Variants in KDM5A observed in about 807,000 individuals in gnomAD.
KDM5A encodes the protein lysine-specific demethylase 5A.
KDM5A carries 42 observed loss-of-function variants against 193.5 expected under a neutral mutation model. The ratio of observed to expected loss-of-function variants is 0.22; its 90% CI spans 0.17 to 0.28. KDM5A has a LOEUF of 0.28. KDM5A is among the 10% of genes least tolerant of loss of function. The pLI is 1.00. For missense variants in KDM5A, 1,692 were observed against 2,055.1 expected, an observed-to-expected ratio of 0.82 and a Z score of 3.42; for synonymous variants, 796 against 718.1, an observed-to-expected ratio of 1.11 and a Z score of -1.73.
At chr12:350,579 A>C (rs1245233496) in intron 10 of KDM5A, 42 bp downstream of exon 10, 1 of 1,606,424 alleles carries the variant, frequency 6.2e-7, no homozygotes, top group Non-Finnish European at 8.5e-7. Context: ...TGCAAAAGCT[A>C]AATCAGCTTG....
intron 26 of KDM5A, 52 bp from the exon 27 acceptor site, chr12:293,221 A>T: frequency 6.7e-7 from 1 of 1,481,946 alleles, no homozygotes; most frequent in Non-Finnish European, 9.3e-7. Flanking sequence ...GTTAAAAAAC[A>T]GTATTACTCT....
chr12:320,851 T>G (rs1435968594), intron 18 of KDM5A, 144 bp downstream of exon 18: 4 of 668,442 alleles, frequency 6.0e-6, no homozygotes, highest in Admixed American at 5.1e-5. Context: ...AACTGCCTAC[T>G]AAAGAACCTC....
chr12:380,812 TC>T (rs1944563962), intron 3 of KDM5A, among the ~76,000 whole-genome samples: 1 of 152,142 alleles, frequency 6.6e-6, no homozygotes, highest in South Asian at 2.1e-4. Context: ...AATTTTTTTT[TC>T]AGACACAGTT....
intron 20 of KDM5A, 34 bp downstream of exon 20, chr12:313,022 C>T (rs778975277): frequency 2.5e-6 from 4 of 1,607,440 alleles, no homozygotes; most frequent in African/African-American, 2.7e-5. Flanking sequence ...ACAGGCATTA[C>T]CTGATAGGTG....
chr12:332,067 A>T (rs1943872910), intron 12 of KDM5A, 129 bp from the exon 13 acceptor site: 1 of 816,660 alleles, frequency 1.2e-6, no homozygotes, highest in African/African-American at 1.7e-5. Context: ...TAAGTTACAC[A>T]TATCAGAAAA....
intron 1 of KDM5A, chr12:388,680 T>C: frequency 1.7e-6 from 1 of 583,670 alleles, no homozygotes; most frequent in Non-Finnish European, 3.0e-6. Flanking sequence ...GGCCCACGGC[T>C]GAGAGAAAAG....
chr12:283,444 G>T lies in KDM5A; in HGVS notation c.*2012C>A, dbSNP rs1291533493. On this transcript the variant is annotated 3_prime_UTR_variant, in exon 28 of 28. Coordinates refer to ENST00000399788, the MANE Select transcript of KDM5A (RefSeq NM_001042603.3). The stretch of plus-strand genomic sequence containing the variant: ...GCAACACTAACAAACCTCTGAACAA[G>T]TCAAAACACTCAAAATGTTATACAG... The T allele has an allele frequency of 1.3e-5, 3 of 232,704 alleles. No homozygotes were observed. Among genetic ancestry groups the T allele is most frequent in the Non-Finnish European group, 2.6e-5 (3 of 117,556 alleles). 14.4% of individuals were successfully genotyped at this position (232,704 alleles called of 1,614,324 possible). A position where few individuals can be genotyped will look rare whatever the true frequency, so the allele number is the denominator to read the frequency against.
intron 27 of KDM5A, among the ~76,000 whole-genome samples, chr12:288,287 A>G (rs977713234): frequency 7.9e-5 from 12 of 152,224 alleles, no homozygotes; most frequent in Admixed American, 7.9e-4. Context: ...ATAACTGTAT[A>G]AATTGTCATT....
intron 3 of KDM5A, among the ~76,000 whole-genome samples, chr12:380,702 A>T (rs1185893259): frequency 6.6e-6 from 1 of 152,156 alleles, no homozygotes; most frequent in Non-Finnish European, 1.5e-5. Context: ...CAGTCTGGGC[A>T]AAAGAGTGAG....
chr12:322,582 A>C lies in KDM5A; in HGVS notation c.2276-15T>G. ...TTCAATCAAATCTGTAAAAATTTAA[A>C]TAAAGAGCCATATACAATAACCATA... On this transcript the variant is annotated splice_polypyrimidine_tract_variant and intron_variant, in intron 16 of 27. Coordinates refer to ENST00000399788, the MANE Select transcript of KDM5A (RefSeq NM_001042603.3). 6.2e-7 allele frequency: 1 copy of C among 1,606,348 alleles called. No homozygotes were observed.
intron 27 of KDM5A, 111 bp from the exon 28 acceptor site, chr12:285,773 T>A: frequency 2.2e-6 from 2 of 923,612 alleles, no homozygotes; most frequent in Non-Finnish European, 3.6e-6. Context: ...CTGGGATGTC[T>A]AGATAGGCAA....
chr12:363,997 T>C (rs1220174871), intron 4 of KDM5A, among the ~76,000 whole-genome samples: 3 of 152,034 alleles, frequency 2.0e-5, no homozygotes, highest in Non-Finnish European at 4.4e-5. Context: ...CACTAGTCAT[T>C]AGAGAAATGC....
chr12:295,250 G>C (rs1011751182), intron 26 of KDM5A, among the ~76,000 whole-genome samples: 2 of 150,258 alleles, frequency 1.3e-5, no homozygotes, highest in Non-Finnish European at 3.0e-5. Flanking sequence ...AAAGGAAAGG[G>C]GAAAGGAGAA....
intron 1 of KDM5A, among the ~76,000 whole-genome samples, chr12:387,647 C>T (rs950386129): frequency 4.6e-5 from 7 of 152,246 alleles, no homozygotes; most frequent in African/African-American, 1.7e-4. Context: ...AAAAACTGAT[C>T]TAGGTTCAAA....
At chr12:308,608 T>C (rs1191329687) in intron 22 of KDM5A, among the ~76,000 whole-genome samples, 1 of 152,190 alleles carries the variant, frequency 6.6e-6, no homozygotes, top group East Asian at 1.9e-4. Flanking sequence ...TTTAACAAAG[T>C]AAATAAAGGC....
intron 14 of KDM5A, among the ~76,000 whole-genome samples, chr12:325,555 A>G (rs1159362431): frequency 6.6e-6 from 1 of 152,046 alleles, no homozygotes; most frequent in Admixed American, 6.6e-5. Flanking sequence ...ACATGCTTGT[A>G]ACCCTAACTA....
At chr12:355,844 T>C (rs1423505485) in intron 6 of KDM5A, among the ~76,000 whole-genome samples, 1 of 152,210 alleles carries the variant, frequency 6.6e-6, no homozygotes, top group Non-Finnish European at 1.5e-5. Flanking sequence ...AGTCAAAACA[T>C]ATCCAGCCTA....
At chr12:348,961 GA>G (rs144513171) in intron 10 of KDM5A, among the ~76,000 whole-genome samples, 2 of 144,968 alleles carry the variant, frequency 1.4e-5, no homozygotes, top group East Asian at 2.0e-4. Flanking sequence ...GTTATAGGGG[GA>G]AAAAACACGC....
Position 290,992 on chromosome 12 carries a change from C to T in KDM5A, c.4866+1767G>A, listed in dbSNP as rs117697998. 4.7e-3 allele frequency among the ~76,000 whole-genome samples: 714 copies of T among 152,248 alleles called. 4 individuals carry two copies. The highest frequency in any genetic ancestry group is 0.027 in the Middle Eastern group (8 of 294). ...GGGAGAAGGTTCTGCCAATAATGAA[C>T]TGCTACACTTTGATACCCAAAGAGA... On this transcript the variant is annotated intron_variant, in intron 27 of 27. Coordinates refer to ENST00000399788, the MANE Select transcript of KDM5A (RefSeq NM_001042603.3).
Sources: gnomAD v4.1 joint callset for allele counts (sites outside exome capture counted in the v4.1 genomes callset) on GRCh38, gnomAD v4.1.1 for gene constraint, MANE v1.5 for transcripts, NCBI Gene and HGNC (gene_info 2026-07-23, HGNC 2026-07-21) for gene names.